CAMK1D: variants seen among roughly 807,000 people sequenced by gnomAD.
The protein encoded by CAMK1D is calcium/calmodulin-dependent protein kinase type 1D.
In CAMK1D, 9 loss-of-function variants were observed where a neutral mutation model predicts 47.7. The ratio of observed to expected loss-of-function variants is 0.19; its 90% CI spans 0.11 to 0.33. The LOEUF is 0.33. Ranked by LOEUF, CAMK1D falls within the 10% of genes least tolerant of loss-of-function variation. CAMK1D has a pLI of 1.00. For synonymous variants in CAMK1D, 184 were observed against 184.9 expected, an observed-to-expected ratio of 0.99 and a Z score of 0.04; for missense variants, 291 against 488.7, an observed-to-expected ratio of 0.60 and a Z score of 3.81.
chr10:12,450,793 G>A (rs1028984497), intron 1 of CAMK1D, among the ~76,000 whole-genome samples: 7 of 152,210 alleles, frequency 4.6e-5, no homozygotes, highest in Non-Finnish European at 8.8e-5. Context: ...TCTTCAAGGA[G>A]GCTAAATGCT....
At chr10:12,762,866 A>C (rs1033158880) in intron 4 of CAMK1D, among the ~76,000 whole-genome samples, 2 of 152,164 alleles carry the variant, frequency 1.3e-5, no homozygotes, top group Non-Finnish European at 1.5e-5. Flanking sequence ...TTGTGCCCCC[A>C]CAAATGCCAG....
intron 1 of CAMK1D, among the ~76,000 whole-genome samples, chr10:12,502,546 T>C (rs1443475643): frequency 6.6e-6 from 1 of 152,112 alleles, no homozygotes; most frequent in Non-Finnish European, 1.5e-5. Flanking sequence ...ACACCATCAT[T>C]TACCTCCACC....
Position 12,574,497 on chromosome 10 carries a change from T to TA in CAMK1D, c.224+21142dup, listed in dbSNP as rs1554790921. Among the ~76,000 whole-genome samples, 525 of 128,748 alleles carry TA rather than the reference T, an allele frequency of 4.1e-3. 15 individuals are homozygous for TA. Among genetic ancestry groups the TA allele is most frequent in the Middle Eastern group, 0.023 (5 of 218 alleles). The allele number at this position is 128,748 out of a possible 152,430, so 84.5% of individuals were successfully genotyped here. ...TTTTTTTTTTTTTTTTTTTTTTTTT[T>TA]AGTAGAGACGGGGCTTCGCCATGTT... On this transcript the variant is annotated intron_variant, in intron 2 of 10. Transcript: ENST00000619168.
rs545133042 is a variant in CAMK1D at position 12,380,042 on chromosome 10, G to A, written c.92+30132G>A. Among the ~76,000 whole-genome samples the A allele has an allele frequency of 4.0e-5, 6 of 151,602 alleles. No homozygotes were observed. The South Asian group carries it at 8.3e-4, about 21-fold the overall frequency. ...ATCCTGCCTAACACGGTGAAACCCC[G>A]TCTCTACTAAAAATGCAAAAAAATT... On this transcript the variant is annotated intron_variant, in intron 1 of 10. Transcript: ENST00000619168.
chr10:12,640,044 C>G (rs1438441587), intron 2 of CAMK1D, among the ~76,000 whole-genome samples: 1 of 152,186 alleles, frequency 6.6e-6, no homozygotes, highest in Non-Finnish European at 1.5e-5. Context: ...CGAAGCTCCC[C>G]TTTTGGAAGA....
At chr10:12,601,056 T>C (rs1588677764) in intron 2 of CAMK1D, among the ~76,000 whole-genome samples, 1 of 152,360 alleles carries the variant, frequency 6.6e-6, no homozygotes, top group East Asian at 1.9e-4. Context: ...GTGGATTCCC[T>C]ATCTTTGCAA....
chr10:12,485,706 G>A (rs1031699242), intron 1 of CAMK1D, among the ~76,000 whole-genome samples: 11 of 152,182 alleles, frequency 7.2e-5, no homozygotes, highest in African/African-American at 2.2e-4. Flanking sequence ...ACGTTTTCTC[G>A]AGGAGTCATG....
chr10:12,534,192 ATCTATCT>A, intron 1 of CAMK1D, among the ~76,000 whole-genome samples: 1 of 151,804 alleles, frequency 6.6e-6, no homozygotes, highest in East Asian at 1.9e-4. Flanking sequence ...CTATCTGTCT[ATCTATCT>A]ATCTGTCTAT....
chr10:12,621,788 T>C (rs1285809564), intron 2 of CAMK1D, among the ~76,000 whole-genome samples: 3 of 85,040 alleles, frequency 3.5e-5, no homozygotes, highest in African/African-American at 6.5e-5. Flanking sequence ...CTGAACTTAC[T>C]TTTTAGTTCT....
At chr10:12,661,104 A>G (rs79009912) in intron 2 of CAMK1D, among the ~76,000 whole-genome samples, 1,964 of 152,102 alleles carry the variant, frequency 0.013, 48 homozygotes, top group East Asian at 0.093. Flanking sequence ...TCTTTTTCTG[A>G]TTCTGTCTGA....
intron 1 of CAMK1D, among the ~76,000 whole-genome samples, chr10:12,355,383 A>G (rs1837478193): frequency 6.6e-6 from 1 of 152,162 alleles, no homozygotes; most frequent in Non-Finnish European, 1.5e-5. Flanking sequence ...TTAAGGACAC[A>G]GATGATTGGT....
intron 4 of CAMK1D, among the ~76,000 whole-genome samples, chr10:12,768,788 C>G (rs1836899210): frequency 6.6e-6 from 1 of 152,100 alleles, no homozygotes; most frequent in Non-Finnish European, 1.5e-5. Context: ...TGTAGCTTCT[C>G]AGCCTCCATA....
intron 3 of CAMK1D, among the ~76,000 whole-genome samples, chr10:12,753,691 G>A (rs1836095578): frequency 6.6e-6 from 1 of 152,142 alleles, no homozygotes; most frequent in African/African-American, 2.4e-5. Context: ...CTCAACAGTG[G>A]CTGCACCAGC....
chr10:12,376,744 T>C (rs574324031), intron 1 of CAMK1D, among the ~76,000 whole-genome samples: 22 of 150,734 alleles, frequency 1.5e-4, no homozygotes, highest in Admixed American at 1.1e-3. Flanking sequence ...GTAACCATTT[T>C]TTTTCTTTTC....
At chr10:12,609,800 AG>A (rs1341711852) in intron 2 of CAMK1D, among the ~76,000 whole-genome samples, 1 of 152,162 alleles carries the variant, frequency 6.6e-6, no homozygotes, top group Non-Finnish European at 1.5e-5. Context: ...AGGACCCCTG[AG>A]AACATGTGTT....
intron 2 of CAMK1D, among the ~76,000 whole-genome samples, chr10:12,662,651 C>CAAAAAAAAAAAAAAAAAAAA (rs56807588): frequency 0.017 from 2,436 of 139,928 alleles, 43 homozygotes; most frequent in Non-Finnish European, 0.026. Context: ...CACTCTGCCT[C>CAAAAAAAAAAAAAAAAAAAA]AAAAAAAAAA....
At chr10:12,570,976 A>G (rs1414697405) in intron 2 of CAMK1D, among the ~76,000 whole-genome samples, 1 of 152,040 alleles carries the variant, frequency 6.6e-6, no homozygotes, top group African/African-American at 2.4e-5. Flanking sequence ...CCATGAGGAC[A>G]GGAGTGGTCA....
At chr10:12,727,367 A>G (rs1380075951) in intron 3 of CAMK1D, among the ~76,000 whole-genome samples, 1 of 152,238 alleles carries the variant, frequency 6.6e-6, no homozygotes, top group African/African-American at 2.4e-5. Context: ...GTGCTTATGT[A>G]ACGATATTTC....
At chr10:12,777,736 A>G (rs568676766) in intron 5 of CAMK1D, among the ~76,000 whole-genome samples, 1 of 152,308 alleles carries the variant, frequency 6.6e-6, no homozygotes, top group African/African-American at 2.4e-5. Flanking sequence ...GAAGAAGGTG[A>G]AACGGGTCTT....
Sources: gnomAD v4.1 joint callset for allele counts (sites outside exome capture counted in the v4.1 genomes callset) on GRCh38, gnomAD v4.1.1 for gene constraint, MANE v1.5 for transcripts, NCBI Gene and HGNC (gene_info 2026-07-23, HGNC 2026-07-21) for gene names.